Variants in CPNE4 observed in about 807,000 individuals in gnomAD.
The protein encoded by CPNE4 is copine 4, also known as copine-4.
Under a neutral mutation model 67.9 loss-of-function variants are expected in CPNE4, and 25 were observed. That is an observed-to-expected ratio of 0.37 (90% CI 0.27 to 0.51). The LOEUF (loss-of-function observed/expected upper bound fraction) is 0.51. CPNE4 is among the 20% of genes least tolerant of loss of function. The pLI is 0.93. For missense variants in CPNE4, 464 were observed against 690.8 expected (o/e 0.67, Z 3.68); for synonymous variants, 242 against 244.9 (o/e 0.99, Z 0.11).
At chr3:131,664,279 T>C (rs13076175) in intron 7 of CPNE4, among the ~76,000 whole-genome samples, 52,962 of 152,024 alleles carry the variant, frequency 0.35, 9,731 homozygotes, top group African/African-American at 0.45. Flanking sequence ...CTAAGAACAC[T>C]CTCTGGAAGA....
At chr3:131,835,100 T>C (rs543387960) in intron 2 of CPNE4, among the ~76,000 whole-genome samples, 3 of 152,236 alleles carry the variant, frequency 2.0e-5, no homozygotes, top group Non-Finnish European at 4.4e-5. Flanking sequence ...TTTTGAAAGA[T>C]GGATTCAAAA....
At chr3:132,018,458 C>T (rs1387718533) in intron 1 of CPNE4, among the ~76,000 whole-genome samples, 1 of 152,174 alleles carries the variant, frequency 6.6e-6, no homozygotes, top group East Asian at 1.9e-4. Flanking sequence ...GATTAATTTG[C>T]CAACTGAGTT....
Position 131,970,076 on chromosome 3 carries a change from A to T in CPNE4, c.-2+64491T>A, listed in dbSNP as rs115679868. ...CTTCCCTGCCCTCTGAAATTTGGGTATAGAGCCATATGACTTGCTTTGGCC... is the reference window on the plus strand; with the variant it reads ...CTTCCCTGCCCTCTGAAATTTGGGTTTAGAGCCATATGACTTGCTTTGGCC... On this transcript the variant is annotated intron_variant, in intron 1 of 15. Transcript: ENST00000429747. Among the ~76,000 whole-genome samples the T allele has an allele frequency of 4.1e-3, 618 of 152,318 alleles. 4 individuals carry two copies. The highest frequency in any genetic ancestry group is 0.014 in the African/African-American group (597 of 41,576).
intron 2 of CPNE4, among the ~76,000 whole-genome samples, chr3:131,851,441 A>G (rs772643548): frequency 3.3e-5 from 5 of 152,122 alleles, no homozygotes; most frequent in Non-Finnish European, 7.4e-5. Flanking sequence ...AGACAACTAT[A>G]AAACATAGAT....
intron 1 of CPNE4, among the ~76,000 whole-genome samples, chr3:131,961,172 G>A (rs978394483): frequency 6.6e-6 from 1 of 152,150 alleles, no homozygotes; most frequent in African/African-American, 2.4e-5. Context: ...AAGTTAAAAA[G>A]AAGAAGAAAC....
At chr3:132,008,764 TA>T (rs1237771966) in intron 1 of CPNE4, among the ~76,000 whole-genome samples, 2 of 152,134 alleles carry the variant, frequency 1.3e-5, no homozygotes, top group Admixed American at 6.5e-5. Flanking sequence ...TTTTTTTTCT[TA>T]AAAAAATCCC....
intron 2 of CPNE4, among the ~76,000 whole-genome samples, chr3:131,837,577 TG>T (rs1411926193): frequency 6.6e-6 from 1 of 151,968 alleles, no homozygotes; most frequent in Non-Finnish European, 1.5e-5. Flanking sequence ...AGATTTTTTT[TG>T]GGGGGTGAGT....
chr3:131,569,203 C>T (rs1363943026), intron 10 of CPNE4, among the ~76,000 whole-genome samples: 6 of 151,854 alleles, frequency 4.0e-5, no homozygotes, highest in African/African-American at 1.5e-4. Flanking sequence ...GTAAGCAGGG[C>T]TCACTAAGCA....
At chr3:131,664,090 G>T (rs191671270) in intron 7 of CPNE4, among the ~76,000 whole-genome samples, 1 of 152,266 alleles carries the variant, frequency 6.6e-6, no homozygotes, top group East Asian at 1.9e-4. Context: ...TTACTTGTGT[G>T]GTTTGGAAAT....
rs2088943149 is a variant in CPNE4 at position 131,910,672 on chromosome 3, C to T, written c.-1-5228G>A. Among the ~76,000 whole-genome samples the T allele has an allele frequency of 4.6e-5, 7 of 152,206 alleles. No homozygotes were observed. In the South Asian group the frequency reaches 1.0e-3, roughly 23 times the overall value. Reference sequence around the variant, plus strand: ...GAACTCTTAGATTTGCTGCTTCCTCCCCTTGGCTGAAAGCAATCAGGCATT... The same window carrying T: ...GAACTCTTAGATTTGCTGCTTCCTCTCCTTGGCTGAAAGCAATCAGGCATT... On this transcript the variant is annotated intron_variant, in intron 1 of 15. Coordinates refer to ENST00000429747, the MANE Select transcript of CPNE4 (RefSeq NM_130808.3).
intron 2 of CPNE4, among the ~76,000 whole-genome samples, chr3:131,767,335 T>C (rs1428051189): frequency 6.6e-6 from 1 of 151,974 alleles, no homozygotes; most frequent in Non-Finnish European, 1.5e-5. Flanking sequence ...TTGCCCTCTA[T>C]CTAGGAGGGA....
intron 7 of CPNE4, among the ~76,000 whole-genome samples, chr3:131,661,577 T>A (rs1233102060): frequency 1.3e-5 from 2 of 152,154 alleles, no homozygotes; most frequent in Non-Finnish European, 2.9e-5. Flanking sequence ...GTGCTATAGC[T>A]GATCCAATAT....
intron 3 of CPNE4, 74 bp from the exon 4 acceptor site, chr3:131,700,054 CTTTT>C (rs3035263): frequency 0.072 from 18,176 of 252,538 alleles, 14 homozygotes; most frequent in Middle Eastern, 0.098. Context: ...TTTTTTAAAC[CTTTT>C]TTTTTTTTTT....
At chr3:131,612,175 A>C (rs1939879578) in intron 7 of CPNE4, among the ~76,000 whole-genome samples, 1 of 152,136 alleles carries the variant, frequency 6.6e-6, no homozygotes, top group Non-Finnish European at 1.5e-5. Context: ...GGAGTTCAAG[A>C]CCAGCCTGGC....
intron 1 of CPNE4, among the ~76,000 whole-genome samples, chr3:131,991,492 G>C (rs2073173369): frequency 7.3e-6 from 1 of 136,090 alleles, no homozygotes; most frequent in African/African-American, 2.5e-5. Flanking sequence ...CCTTGCCCTA[G>C]AGATCTGTGG....
chr3:131,857,152 AAAC>A (rs1380701988), intron 2 of CPNE4, among the ~76,000 whole-genome samples: 1 of 152,034 alleles, frequency 6.6e-6, no homozygotes, highest in Non-Finnish European at 1.5e-5. Flanking sequence ...CTCATTCTTT[AAAC>A]AACACCTTAT....
chr3:131,768,077 G>A (rs2083068140), intron 2 of CPNE4, among the ~76,000 whole-genome samples: 1 of 152,116 alleles, frequency 6.6e-6, no homozygotes, highest in South Asian at 2.1e-4. Flanking sequence ...ATTTAGGATT[G>A]TAATCAGGCT....
At chr3:131,650,003 T>C (rs1462730938) in intron 7 of CPNE4, among the ~76,000 whole-genome samples, 3 of 152,152 alleles carry the variant, frequency 2.0e-5, no homozygotes, top group Non-Finnish European at 2.9e-5. Flanking sequence ...CTCAGGTTAT[T>C]GGCAGAATTT....
intron 2 of CPNE4, among the ~76,000 whole-genome samples, chr3:131,877,503 C>T (rs1260276691): frequency 3.9e-5 from 6 of 152,024 alleles, no homozygotes; most frequent in East Asian, 3.8e-4. Flanking sequence ...ATATTCTTAG[C>T]GGGTACAGGG....
Sources: allele counts gnomAD v4.1 joint callset (sites outside exome capture counted in the v4.1 genomes callset), GRCh38; gene constraint gnomAD v4.1.1; transcripts MANE v1.5; gene names NCBI Gene and HGNC (gene_info 2026-07-23, HGNC 2026-07-21).